Variants in NELL2 observed in about 807,000 individuals in gnomAD.
NELL2 encodes the protein protein kinase C-binding protein NELL2.
In NELL2, 41 loss-of-function variants were observed where a neutral mutation model predicts 109.6. The ratio of observed to expected loss-of-function variants is 0.37; its 90% CI spans 0.29 to 0.49. The LOEUF (loss-of-function observed/expected upper bound fraction) is 0.49. Among genes scored for constraint, NELL2 ranks in the 20% least tolerant of loss-of-function variants. The probability of loss-of-function intolerance (pLI) is 0.98; values close to 1 mark genes in which losing one functional copy is unlikely to be tolerated. For missense variants in NELL2, 900 were observed against 1,008.3 expected (o/e 0.89, Z 1.45); for synonymous variants, 355 against 344.7 (o/e 1.03, Z -0.33).
At chr12:44,702,379 C>T (rs73276096) in intron 12 of NELL2, among the ~76,000 whole-genome samples, 4,281 of 152,058 alleles carry the variant, frequency 0.028, 185 homozygotes, top group African/African-American at 0.095. Context: ...TAGGTGCTTA[C>T]TAAATATTTA....
chr12:44,805,591 A>G (rs1395766331), intron 3 of NELL2, among the ~76,000 whole-genome samples: 2 of 151,900 alleles, frequency 1.3e-5, no homozygotes, highest in African/African-American at 4.8e-5. Context: ...TCTAAGTCCA[A>G]CATGTCAATT....
intron 15 of NELL2, among the ~76,000 whole-genome samples, chr12:44,584,800 C>T (rs1442537336): frequency 1.3e-5 from 2 of 152,152 alleles, no homozygotes; most frequent in South Asian, 2.1e-4. Context: ...GACTGGATCA[C>T]GTTAACAAGG....
At chr12:44,744,114 T>G (rs983032918) in intron 9 of NELL2, among the ~76,000 whole-genome samples, 27 of 152,082 alleles carry the variant, frequency 1.8e-4, no homozygotes, top group Non-Finnish European at 3.5e-4. Context: ...CAGACCACAG[T>G]GCAATCAAAC....
At chr12:44,613,193 G>C (rs918871408) in intron 13 of NELL2, among the ~76,000 whole-genome samples, 2 of 151,986 alleles carry the variant, frequency 1.3e-5, no homozygotes, top group Non-Finnish European at 2.9e-5. Context: ...GTTAGGGGCT[G>C]CTATCTATTT....
At chr12:44,618,902 GTAT>G (rs1566029090) in intron 13 of NELL2, among the ~76,000 whole-genome samples, 1 of 152,096 alleles carries the variant, frequency 6.6e-6, no homozygotes, top group African/African-American at 2.4e-5. Context: ...GTTCGGGTAG[GTAT>G]TAGTTTTATT....
chr12:44,626,362 T>A (rs1946264069), intron 13 of NELL2, among the ~76,000 whole-genome samples: 1 of 152,208 alleles, frequency 6.6e-6, no homozygotes, highest in South Asian at 2.1e-4. Context: ...CTTCTTGAGA[T>A]GCTATTAATT....
Position 44,713,215 on chromosome 12 carries a change from C to CAG in NELL2, c.1086+1433_1086+1434dup, listed in dbSNP as rs1345389294. ...ACACACACACACACACACACACACA[C>CAG]AGAGAGAGACAGAGAGAGAGAGAGA... On this transcript the variant is annotated intron_variant, in intron 10 of 19. Transcript: ENST00000429094. Among the ~76,000 whole-genome samples the CAG allele has an allele frequency of 5.4e-3, 767 of 143,250 alleles. 6 individuals are homozygous for CAG. Among genetic ancestry groups the CAG allele is most frequent in the South Asian group, 0.025 (114 of 4,514 alleles). 94.0% of individuals were successfully genotyped at this position (143,250 alleles called of 152,430 possible). A position where few individuals can be genotyped will look rare whatever the true frequency, so the allele number is the denominator to read the frequency against.
chr12:44,854,580 T>C (rs74417003), intron 2 of NELL2, among the ~76,000 whole-genome samples: 1 of 152,144 alleles, frequency 6.6e-6, no homozygotes, highest in African/African-American at 2.4e-5. Flanking sequence ...CATCTACACA[T>C]CATTGAAACA....
At chr12:44,530,620 A>G (rs1288163687) in intron 16 of NELL2, among the ~76,000 whole-genome samples, 3 of 152,224 alleles carry the variant, frequency 2.0e-5, no homozygotes. Context: ...ATGAGGTTAT[A>G]AAAAGACTAT....
At chr12:44,583,221 G>T (rs991649575) in intron 15 of NELL2, among the ~76,000 whole-genome samples, 1 of 152,196 alleles carries the variant, frequency 6.6e-6, no homozygotes, top group Non-Finnish European at 1.5e-5. Context: ...TTCAATGAAT[G>T]AAAGTTGACA....
At chr12:44,555,110 G>A (rs1006422031) in intron 15 of NELL2, among the ~76,000 whole-genome samples, 1 of 152,150 alleles carries the variant, frequency 6.6e-6, no homozygotes, top group African/African-American at 2.4e-5. Context: ...CTGAGTGGAA[G>A]GTCTGGAGTA....
chr12:44,729,207 TGTGACATCAATG>T (rs1359471596), intron 9 of NELL2, among the ~76,000 whole-genome samples: 1 of 152,168 alleles, frequency 6.6e-6, no homozygotes, highest in Non-Finnish European at 1.5e-5. Flanking sequence ...AATGGTAATT[TGTGACATCAATG>T]ATAAATAGTG....
At chr12:44,671,486 C>G (rs1359359038) in intron 12 of NELL2, among the ~76,000 whole-genome samples, 1 of 151,804 alleles carries the variant, frequency 6.6e-6, no homozygotes, top group Non-Finnish European at 1.5e-5. Flanking sequence ...AAAGAATTAA[C>G]AAAATGAAAT....
chr12:44,897,642 C>T (rs926280345), intron 1 of NELL2, among the ~76,000 whole-genome samples: 1 of 152,140 alleles, frequency 6.6e-6, no homozygotes, highest in Middle Eastern at 3.2e-3. Flanking sequence ...GGGATTCCCT[C>T]GGGTGCCTAC....
chr12:44,869,894 A>G (rs538266014), intron 2 of NELL2, among the ~76,000 whole-genome samples: 1 of 152,160 alleles, frequency 6.6e-6, no homozygotes, highest in African/African-American at 2.4e-5. Context: ...TTGCTCAACA[A>G]TTATTCCCTA....
intron 3 of NELL2, among the ~76,000 whole-genome samples, chr12:44,813,564 T>C (rs1469319422): frequency 1.3e-5 from 2 of 152,228 alleles, no homozygotes; most frequent in South Asian, 4.1e-4. Context: ...GAAATATTCA[T>C]CATATTATTA....
intron 2 of NELL2, among the ~76,000 whole-genome samples, chr12:44,843,345 C>A (rs1415422324): frequency 6.6e-6 from 1 of 151,720 alleles, no homozygotes; most frequent in African/African-American, 2.4e-5. Flanking sequence ...CAAATTAAAG[C>A]CAGAGGAGAT....
intron 12 of NELL2, among the ~76,000 whole-genome samples, chr12:44,679,676 T>G (rs2136366873): frequency 6.6e-6 from 1 of 152,196 alleles, no homozygotes; most frequent in South Asian, 2.1e-4. Context: ...CCACTGTCCT[T>G]CCACAAGCTG....
At chr12:44,918,517 ATGTGTGTGTGTGTGTGTGTG>A (rs10589306), upstream of NELL2, among the ~76,000 whole-genome samples, 8 of 123,884 alleles carry the variant, frequency 6.5e-5, no homozygotes, top group African/African-American at 1.3e-4. Context: ...GCATGCATGT[ATGTGTGTGTGTGTGTGTGTG>A]TGTGTGTGTG....
Sources: gnomAD v4.1 joint callset for allele counts (sites outside exome capture counted in the v4.1 genomes callset) on GRCh38, gnomAD v4.1.1 for gene constraint, MANE v1.5 for transcripts, NCBI Gene and HGNC (gene_info 2026-07-23, HGNC 2026-07-21) for gene names.